The following SPAG6 variants were observed in gnomAD, a reference collection of about 807,000 sequenced individuals.
SPAG6 encodes the protein sperm associated antigen 6.
SPAG6 carries 49 observed loss-of-function variants against 58.5 expected under a neutral mutation model. The observed-to-expected ratio is 0.84, with a 90% CI of 0.67 to 1.06. The LOEUF (loss-of-function observed/expected upper bound fraction) is 1.06, where lower values mean the gene tolerates loss of function less well. Among genes scored for constraint, SPAG6 ranks in the 50% least tolerant of loss-of-function variants. The pLI, the probability that SPAG6 is intolerant of heterozygous loss-of-function variation, is 0.00. For missense variants in SPAG6, 560 were observed against 611.3 expected, an observed-to-expected ratio of 0.92 and a Z score of 0.89; for synonymous variants, 233 against 225.6, an observed-to-expected ratio of 1.03 and a Z score of -0.29.
chr10:22,366,155 A>G (rs551687620), intron 3 of SPAG6, among the ~76,000 whole-genome samples: 3 of 152,356 alleles, frequency 2.0e-5, no homozygotes, highest in African/African-American at 7.2e-5. Context: ...CAAAAGGTGA[A>G]AGCAACCTAA....
chr10:22,406,071 A>T (rs1403989525), intron 9 of SPAG6, among the ~76,000 whole-genome samples: 1 of 151,748 alleles, frequency 6.6e-6, no homozygotes, highest in Non-Finnish European at 1.5e-5. Context: ...AATTTTGTGG[A>T]TCTTTTCAAA....
chr10:22,362,036 A>G (rs1026133974), intron 2 of SPAG6, among the ~76,000 whole-genome samples: 2 of 146,250 alleles, frequency 1.4e-5, no homozygotes, highest in African/African-American at 4.9e-5. Flanking sequence ...AAATATATAG[A>G]TATATTATTT....
intron 4 of SPAG6, among the ~76,000 whole-genome samples, chr10:22,380,075 T>C (rs185042953): frequency 6.6e-6 from 1 of 151,570 alleles, no homozygotes; most frequent in Admixed American, 6.6e-5. Context: ...ACTACCGGAG[T>C]GAGGCACTGC....
At chr10:22,362,810 A>G (rs1270037039) in intron 2 of SPAG6, among the ~76,000 whole-genome samples, 1 of 152,040 alleles carries the variant, frequency 6.6e-6, no homozygotes, top group Non-Finnish European at 1.5e-5. Flanking sequence ...CCCTGTGCCC[A>G]ATTCAAAAAT....
At chr10:22,400,389 T>A (rs1171092892) in intron 8 of SPAG6, among the ~76,000 whole-genome samples, 1 of 151,948 alleles carries the variant, frequency 6.6e-6, no homozygotes, top group Admixed American at 6.6e-5. Context: ...AGAAAATGAA[T>A]CACAACCAGC....
intron 4 of SPAG6, among the ~76,000 whole-genome samples, chr10:22,376,778 T>G (rs1833824605): frequency 6.6e-6 from 1 of 152,078 alleles, no homozygotes. Context: ...TGTCACTTCC[T>G]GAGAACAAGT....
chr10:22,377,865 C>T (rs1180743577), intron 4 of SPAG6, among the ~76,000 whole-genome samples: 2 of 152,170 alleles, frequency 1.3e-5, no homozygotes, highest in Admixed American at 1.3e-4. Context: ...TCCTTGAAGA[C>T]AGGGACTTCT....
intron 2 of SPAG6, among the ~76,000 whole-genome samples, chr10:22,352,280 C>T (rs1274738600): frequency 6.6e-5 from 10 of 151,760 alleles, no homozygotes; most frequent in African/African-American, 2.4e-4. Flanking sequence ...TCTATACCTG[C>T]GTCAAGTTAG....
intron 8 of SPAG6, among the ~76,000 whole-genome samples, chr10:22,400,509 GA>G (rs1336292994): frequency 6.6e-6 from 1 of 151,882 alleles, no homozygotes; most frequent in East Asian, 2.0e-4. Flanking sequence ...CGGAGTGCAG[GA>G]GGGGGTAGAA....
intron 2 of SPAG6, among the ~76,000 whole-genome samples, chr10:22,348,252 G>A (rs1031086140): frequency 3.9e-5 from 6 of 152,184 alleles, no homozygotes; most frequent in African/African-American, 1.4e-4. Context: ...GCCTCCCAAA[G>A]CACTGGGATT....
intron 9 of SPAG6, among the ~76,000 whole-genome samples, chr10:22,410,534 A>G (rs748898810): frequency 6.6e-6 from 1 of 152,088 alleles, no homozygotes; most frequent in Non-Finnish European, 1.5e-5. Context: ...TTAACCAAGC[A>G]TAAGGGGAGA....
At chr10:22,402,500 C>T (rs943608297) in intron 9 of SPAG6, among the ~76,000 whole-genome samples, 1 of 152,346 alleles carries the variant, frequency 6.6e-6, no homozygotes, top group South Asian at 2.1e-4. Flanking sequence ...GTTCTCTCAA[C>T]TCTGTTCATG....
intron 2 of SPAG6, among the ~76,000 whole-genome samples, chr10:22,354,357 A>C (rs1425820448): frequency 6.6e-6 from 1 of 152,160 alleles, no homozygotes; most frequent in Non-Finnish European, 1.5e-5. Flanking sequence ...TTGCTTGGAC[A>C]CATTAGCACC....
chr10:22,390,549 A>G (rs189755509), intron 7 of SPAG6, among the ~76,000 whole-genome samples: 15 of 152,304 alleles, frequency 9.8e-5, no homozygotes, highest in African/African-American at 3.4e-4. Flanking sequence ...TAACAATAAT[A>G]CTTTACATTT....
chr10:22,383,950 G>C (rs1588657285), intron 4 of SPAG6, among the ~76,000 whole-genome samples: 2 of 152,294 alleles, frequency 1.3e-5, no homozygotes, highest in South Asian at 4.1e-4. Flanking sequence ...CCAAGCATAA[G>C]AGAGGAAGGA....
intron 4 of SPAG6, among the ~76,000 whole-genome samples, chr10:22,374,066 T>C (rs1292353391): frequency 1.3e-5 from 2 of 152,238 alleles, no homozygotes; most frequent in Non-Finnish European, 2.9e-5. Context: ...TTTTTATTTC[T>C]TGTAACATTT....
chr10:22,398,996 T>C (rs1834354250), intron 8 of SPAG6, among the ~76,000 whole-genome samples: 1 of 152,074 alleles, frequency 6.6e-6, no homozygotes, highest in South Asian at 2.1e-4. Flanking sequence ...TTTTTGTATT[T>C]TCAATAGACA....
At chr10:22,361,026 T>C in intron 2 of SPAG6, 1 of 545,650 alleles carries the variant, frequency 1.8e-6, no homozygotes, top group Non-Finnish European at 3.2e-6. Context: ...TAAAAACATG[T>C]CTCTTTAGAG....
At chr10:22,395,641 G>A (rs1003270242) in intron 8 of SPAG6, among the ~76,000 whole-genome samples, 5 of 152,174 alleles carry the variant, frequency 3.3e-5, no homozygotes, top group Non-Finnish European at 5.9e-5. Context: ...CTTATCAGAT[G>A]TATGATTTAC....
Sources: gnomAD v4.1 joint callset for allele counts (sites outside exome capture counted in the v4.1 genomes callset) on GRCh38, gnomAD v4.1.1 for gene constraint, MANE v1.5 for transcripts, NCBI Gene and HGNC (gene_info 2026-07-23, HGNC 2026-07-21) for gene names.